CADM2: variants seen among roughly 807,000 people sequenced by gnomAD.
CADM2 encodes cell adhesion molecule 2.
CADM2 carries 12 observed loss-of-function variants against 49.8 expected under a neutral mutation model. The observed-to-expected ratio is 0.24, with a 90% CI of 0.15 to 0.39. CADM2 has a LOEUF of 0.39. Among genes scored for constraint, CADM2 ranks in the 10% least tolerant of loss-of-function variants. The probability of loss-of-function intolerance (pLI) is 1.00; values close to 1 mark genes in which losing one functional copy is unlikely to be tolerated. For missense variants in CADM2, 378 were observed against 492.3 expected, an observed-to-expected ratio of 0.77 and a Z score of 2.20; for synonymous variants, 214 against 175.4, an observed-to-expected ratio of 1.22 and a Z score of -1.74.
chr3:85,766,792 G>A (rs927350594), intron 2 of CADM2, among the ~76,000 whole-genome samples: 10 of 152,178 alleles, frequency 6.6e-5, no homozygotes, highest in African/African-American at 2.2e-4. Context: ...TTGAATAGCA[G>A]GAGAAAGTAA....
intron 1 of CADM2, among the ~76,000 whole-genome samples, chr3:85,439,508 A>G (rs2037094682): frequency 6.6e-6 from 1 of 152,154 alleles, no homozygotes; most frequent in African/African-American, 2.4e-5. Context: ...ATTGTTATTT[A>G]TAAGTTGCAA....
intron 1 of CADM2, among the ~76,000 whole-genome samples, chr3:85,610,461 A>G (rs910283142): frequency 6.6e-6 from 1 of 151,936 alleles, no homozygotes; most frequent in African/African-American, 2.4e-5. Flanking sequence ...AAACCAGGAT[A>G]ATGAGTGAAA....
At chr3:85,636,358 A>G (rs931748345) in intron 1 of CADM2, among the ~76,000 whole-genome samples, 9 of 152,196 alleles carry the variant, frequency 5.9e-5, no homozygotes, top group Admixed American at 5.9e-4. Context: ...ACTTTTAAAA[A>G]ATGAAAAATT....
chr3:85,389,200 A>G (rs1014073577), intron 1 of CADM2, among the ~76,000 whole-genome samples: 3 of 152,146 alleles, frequency 2.0e-5, no homozygotes, highest in African/African-American at 7.2e-5. Flanking sequence ...TAGAAGGCCC[A>G]CTTTGCACCC....
intron 7 of CADM2, among the ~76,000 whole-genome samples, chr3:85,938,169 G>A (rs907705245): frequency 2.0e-5 from 3 of 151,876 alleles, no homozygotes; most frequent in Non-Finnish European, 4.4e-5. Context: ...TTAGATGAAG[G>A]CATTAATCTC....
At chr3:85,727,324 C>T (rs1057355743) in intron 2 of CADM2, among the ~76,000 whole-genome samples, 5 of 152,216 alleles carry the variant, frequency 3.3e-5, no homozygotes, top group African/African-American at 9.6e-5. Flanking sequence ...AATACTATGA[C>T]ATACGCTCAT....
chr3:85,273,021 C>A (rs534080746), intron 1 of CADM2, among the ~76,000 whole-genome samples: 1 of 150,840 alleles, frequency 6.6e-6, no homozygotes, highest in South Asian at 2.1e-4. Context: ...GGTGAAGGAG[C>A]CTTATCATTG....
chr3:85,576,758 T>C (rs184407775), intron 1 of CADM2, among the ~76,000 whole-genome samples: 2 of 152,146 alleles, frequency 1.3e-5, no homozygotes, highest in African/African-American at 4.8e-5. Context: ...TAACCAAAAG[T>C]TTGAGAAAAT....
chr3:85,249,787 TAG>T (rs932680753), intron 1 of CADM2, among the ~76,000 whole-genome samples: 6 of 151,914 alleles, frequency 3.9e-5, no homozygotes, highest in African/African-American at 1.4e-4. Context: ...TGTTATTCTC[TAG>T]AGATTTACAA....
At chr3:85,452,579 C>CA (rs958077661) in intron 1 of CADM2, among the ~76,000 whole-genome samples, 19 of 151,838 alleles carry the variant, frequency 1.3e-4, no homozygotes, top group South Asian at 6.2e-4. Flanking sequence ...ACAACAACAA[C>CA]AAAAAAGAGA....
chr3:85,691,348 C>T (rs1404540673), intron 1 of CADM2, among the ~76,000 whole-genome samples: 2 of 152,186 alleles, frequency 1.3e-5, no homozygotes, highest in African/African-American at 4.8e-5. Context: ...TGTTAATGAA[C>T]ACTTAGGTTG....
chr3:85,133,873 C>T (rs1279866013), intron 1 of CADM2, among the ~76,000 whole-genome samples: 1 of 152,246 alleles, frequency 6.6e-6, no homozygotes, highest in African/African-American at 2.4e-5. Flanking sequence ...CTCCTCAGCC[C>T]TTGGGTGGTC....
chr3:85,896,128 A>C (rs1310419989), intron 5 of CADM2, among the ~76,000 whole-genome samples: 1 of 152,062 alleles, frequency 6.6e-6, no homozygotes, highest in Non-Finnish European at 1.5e-5. Flanking sequence ...CTCTCTCTAC[A>C]AAAAATTTAA....
At chr3:85,990,828 T>C (rs139586391) in intron 8 of CADM2, among the ~76,000 whole-genome samples, 1 of 152,256 alleles carries the variant, frequency 6.6e-6, no homozygotes, top group Non-Finnish European at 1.5e-5. Context: ...ATGCGAGGCT[T>C]CTTAGAAAAT....
intron 2 of CADM2, among the ~76,000 whole-genome samples, chr3:85,795,641 T>C (rs1322540723): frequency 1.3e-5 from 2 of 152,178 alleles, no homozygotes; most frequent in Non-Finnish European, 2.9e-5. Context: ...ATTAGTTTCT[T>C]TCTTCTATGG....
intron 8 of CADM2, among the ~76,000 whole-genome samples, chr3:86,039,999 C>A (rs913088189): frequency 1.3e-5 from 2 of 152,164 alleles, no homozygotes; most frequent in Non-Finnish European, 2.9e-5. Flanking sequence ...CCAGCAAACT[C>A]CAACAGACCT....
intron 1 of CADM2, among the ~76,000 whole-genome samples, chr3:85,699,711 CT>C (rs748094512): frequency 6.6e-6 from 1 of 152,224 alleles, no homozygotes; most frequent in Non-Finnish European, 1.5e-5. Flanking sequence ...TTTTTCCCCC[CT>C]AGGCCTCCAG....
intron 6 of CADM2, among the ~76,000 whole-genome samples, chr3:85,925,000 A>G (rs530942235): frequency 6.6e-6 from 1 of 152,312 alleles, no homozygotes; most frequent in East Asian, 1.9e-4. Flanking sequence ...ATTCTTTAAT[A>G]CAACACTTTG....
chr3:85,769,623 GTATA>G lies in CADM2; in HGVS notation c.89-32417_89-32414del, dbSNP rs201552618. Among the ~76,000 whole-genome samples, 105 of 36,790 alleles carry G rather than the reference GTATA, an allele frequency of 2.9e-3. 1 individual carries two copies. Among genetic ancestry groups the G allele is most frequent in the East Asian group, 5.7e-3 (2 of 352 alleles). 24.1% of individuals were successfully genotyped at this position (36,790 alleles called of 152,430 possible). On this transcript the variant is annotated intron_variant, in intron 2 of 9. Coordinates refer to ENST00000383699, the MANE Select transcript of CADM2 (RefSeq NM_001167675.2). ...ACATATATACATATATACATATATA[GTATA>G]TATATACACATATATACATATATAC...
Sources: allele counts gnomAD v4.1 joint callset (sites outside exome capture counted in the v4.1 genomes callset), GRCh38; gene constraint gnomAD v4.1.1; transcripts MANE v1.5; gene names NCBI Gene and HGNC (gene_info 2026-07-23, HGNC 2026-07-21).